RTEL1: variants seen among roughly 807,000 people sequenced by gnomAD.
RTEL1 encodes the protein regulator of telomere elongation helicase 1.
RTEL1 carries 86 observed loss-of-function variants against 162.2 expected under a neutral mutation model. That is an observed-to-expected ratio of 0.53 (90% CI 0.45 to 0.63). The LOEUF (loss-of-function observed/expected upper bound fraction) is 0.63. Ranked by LOEUF, RTEL1 falls within the 30% of genes least tolerant of loss-of-function variation. The pLI is 0.00. For synonymous variants in RTEL1, 958 were observed against 717.9 expected, an observed-to-expected ratio of 1.33 and a Z score of -5.35; for missense variants, 1,941 against 1,750.2, an observed-to-expected ratio of 1.11 and a Z score of -1.95.
At chr20:63,663,016 C>T in intron 6 of RTEL1, 127 bp downstream of exon 6, 6 of 892,118 alleles carry the variant, frequency 6.7e-6, no homozygotes, top group Non-Finnish European at 1.1e-5. Flanking sequence ...TGTACCTGGG[C>T]CCTGTCTTCT....
intron 10 of RTEL1, among the ~76,000 whole-genome samples, chr20:63,675,532 G>A (rs1334553965): frequency 3.3e-5 from 5 of 151,850 alleles, no homozygotes; most frequent in Non-Finnish European, 7.4e-5. Context: ...ATATATTTAA[G>A]TGACAGGGTC....
intron 10 of RTEL1, among the ~76,000 whole-genome samples, chr20:63,674,636 G>A (rs1490183625): frequency 6.6e-6 from 1 of 151,812 alleles, no homozygotes; most frequent in Non-Finnish European, 1.5e-5. Context: ...GGGAGGCAGA[G>A]CTTCCGGTGC....
Position 63,682,586 on chromosome 20 carries a change from C to G in RTEL1, c.1191+1867C>G, listed in dbSNP as rs140924821. ...CCGCTGGTGGATGACTCAGCTTCTG[C>G]CAGCCCTCGGGTGCCTGGAGGATGA... On this transcript the variant is annotated intron_variant, in intron 14 of 34. Coordinates refer to ENST00000360203, the MANE Select transcript of RTEL1 (RefSeq NM_001283009.2). 2.3e-5 allele frequency: 23 copies of G among 985,992 alleles called. No homozygotes were observed. The East Asian group carries it at 1.1e-3, about 49-fold the overall frequency. 61.1% of individuals were successfully genotyped at this position (985,992 alleles called of 1,614,324 possible). A position where few individuals can be genotyped will look rare whatever the true frequency, so the allele number is the denominator to read the frequency against.
intron 1 of RTEL1, 61 bp from the exon 2 acceptor site, chr20:63,659,171 TG>T: frequency 1.8e-6 from 1 of 545,264 alleles, no homozygotes; most frequent in East Asian, 3.1e-5. Flanking sequence ...TGGAAACGCC[TG>T]GGAAAGTAGC....
intron 13 of RTEL1, 111 bp from the exon 14 acceptor site, chr20:63,680,553 G>A: frequency 8.5e-7 from 1 of 1,171,992 alleles, no homozygotes; most frequent in Non-Finnish European, 1.2e-6. Flanking sequence ...CCATTGGGCA[G>A]GAGATGGAGC....
intron 26 of RTEL1, 106 bp downstream of exon 26, chr20:63,690,547 G>C (rs2090712199): frequency 7.4e-7 from 1 of 1,360,344 alleles, no homozygotes; most frequent in Non-Finnish European, 9.7e-7. Context: ...CTGGCTTTGT[G>C]CGCTTCCCCT....
In RTEL1 at chr20:63,681,702, C is replaced by G. The variant is rs578010329; in HGVS notation, c.1191+983C>G. Reference sequence around the variant, plus strand: ...AGCGGGGGCGAGACCTGGGCAGGGACCAGGTGGGGTGGGCACAGGGTGGTG... The same window carrying G: ...AGCGGGGGCGAGACCTGGGCAGGGAGCAGGTGGGGTGGGCACAGGGTGGTG... On this transcript the variant is annotated intron_variant, in intron 14 of 34. Coordinates refer to ENST00000360203, the MANE Select transcript of RTEL1 (RefSeq NM_001283009.2). 6 of 985,332 alleles carry G rather than the reference C, an allele frequency of 6.1e-6. No individual in the cohort carries two copies. The African/African-American group carries it at 7.0e-5, about 11-fold the overall frequency. The allele number at this position is 985,332 out of a possible 1,614,324, so 61.0% of individuals were successfully genotyped here. A position where few individuals can be genotyped will look rare whatever the true frequency, so the allele number is the denominator to read the frequency against.
intron 6 of RTEL1, among the ~76,000 whole-genome samples, chr20:63,664,892 G>A (rs1167600289): frequency 6.6e-6 from 1 of 152,204 alleles, no homozygotes; most frequent in Non-Finnish European, 1.5e-5. Context: ...GAGCCTCTGG[G>A]ACGGCCCCGC....
intron 10 of RTEL1, among the ~76,000 whole-genome samples, chr20:63,676,751 G>A (rs996921163): frequency 3.9e-5 from 6 of 152,160 alleles, no homozygotes; most frequent in African/African-American, 7.2e-5. Context: ...TGGCCAACAC[G>A]GTGAAACCCC....
chr20:63,691,381 C>A (rs2090738474), intron 27 of RTEL1, among the ~76,000 whole-genome samples: 2 of 152,328 alleles, frequency 1.3e-5, no homozygotes, highest in African/African-American at 4.8e-5. Context: ...TTTCTCCCTG[C>A]TTCCTGCTGG....
At position 63,695,494 on chromosome 20, in the gene RTEL1, G is replaced by C. The variant is rs1408602214; in HGVS notation, c.3666G>C (p.Gly1222=). 7 of 1,610,566 alleles carry C rather than the reference G, an allele frequency of 4.3e-6. No individual in the cohort carries two copies. The highest frequency in any genetic ancestry group is 2.5e-6 in the Non-Finnish European group (3 of 1,178,810). Reference sequence around the variant, plus strand: ...CATCTGAGTGGGGTGAGCCTCATGGGAGAGACATCGCTGGGCAGCAGGCCA... The same window carrying C: ...CATCTGAGTGGGGTGAGCCTCATGGCAGAGACATCGCTGGGCAGCAGGCCA... ...PAASEWGEPH[G]RDIAGQQATG... is the part of the protein sequence containing the mutation. The change falls in exon 34 of 35, where the codon GGG becomes GGC. Residue 1222 remains glycine (G), a synonymous_variant. Transcript: ENST00000360203.
chr20:63,688,623 G>A lies in RTEL1; in HGVS notation c.1800+18G>A, dbSNP rs746586416. ...TCTCCGAGGTCGGCACTTGGCCGGG[G>A]CTCTGGGCCTGCTGCCCCCTCGTGC... On this transcript the variant is annotated intron_variant, in intron 21 of 34. Transcript: ENST00000360203. 1.9e-6 allele frequency: 3 copies of A among 1,594,308 alleles called. No individual in the cohort carries two copies. The highest frequency in any genetic ancestry group is 3.5e-5 in the Admixed American group (2 of 57,246).
rs777334485 is a variant in RTEL1, at chr20:63,689,740, C to T, written c.2026-10C>T. 25 of 1,609,898 alleles carry T rather than the reference C, an allele frequency of 1.6e-5. No individual in the cohort carries two copies. Among genetic ancestry groups the T allele is most frequent in the Non-Finnish European group, 1.9e-5 (22 of 1,178,148 alleles). ...GGGAGCCCCCGTGACCGAGCCGCCT[C>T]GCCCCACAGTTCCTCTCTGGGCAGG... On this transcript the variant is annotated splice_polypyrimidine_tract_variant and intron_variant, in intron 23 of 34. Transcript: ENST00000360203.
chr20:63,695,903 T>G lies in RTEL1; in HGVS notation c.*45T>G, dbSNP rs1001674915. The stretch of plus-strand genomic sequence containing the variant: ...GCACACCCAACGTGGCTTGATCACC[T>G]GCCTGTCCAGCTCTGGTGGGCCAAG... On this transcript the variant is annotated 3_prime_UTR_variant, in exon 35 of 35. Transcript: ENST00000360203. 7.8e-6 allele frequency: 12 copies of G among 1,530,208 alleles called. No individual in the cohort carries two copies. The highest frequency in any genetic ancestry group is 5.9e-5 in the Admixed American group (3 of 50,876). The allele number at this position is 1,530,208 out of a possible 1,614,324, so 94.8% of individuals were successfully genotyped here. A position where few individuals can be genotyped will look rare whatever the true frequency, so the allele number is the denominator to read the frequency against.
chr20:63,682,415 A>T (rs2090496075), intron 14 of RTEL1: 1 of 985,238 alleles, frequency 1.0e-6, no homozygotes, highest in South Asian at 4.7e-5. Flanking sequence ...CCAGCCTCCC[A>T]CTTAAGGAGA....
intron 16 of RTEL1, chr20:63,686,194 T>C (rs2090588809): frequency 4.5e-6 from 2 of 440,690 alleles, no homozygotes. Flanking sequence ...GCCTCCACAG[T>C]GAGGCACGGC....
At position 63,695,885 on chromosome 20, in the gene RTEL1, C is replaced by G. The variant is rs2090968384; in HGVS notation, c.*27C>G. The G allele has an allele frequency of 6.4e-7, 1 of 1,555,168 alleles. No homozygotes were observed. The highest frequency in any genetic ancestry group is 8.7e-7 in the Non-Finnish European group (1 of 1,150,086). ...TGCCCACGGAGGCCCCCAGCACACC[C>G]AACGTGGCTTGATCACCTGCCTGTC... On this transcript the variant is annotated 3_prime_UTR_variant, in exon 35 of 35. Transcript: ENST00000360203.
intron 9 of RTEL1, among the ~76,000 whole-genome samples, chr20:63,673,169 G>A (rs1027070211): frequency 1.3e-5 from 2 of 152,026 alleles, no homozygotes; most frequent in Admixed American, 1.3e-4. Context: ...TGAGGTGGGC[G>A]GATCACGAGG....
intron 12 of RTEL1, among the ~76,000 whole-genome samples, chr20:63,679,468 CT>C (rs112914646): frequency 0.12 from 17,693 of 152,022 alleles, 1,381 homozygotes; most frequent in African/African-American, 0.22. Flanking sequence ...TGACGACCCC[CT>C]AGTGACCCCA....
Sources: gnomAD v4.1 joint callset for allele counts (sites outside exome capture counted in the v4.1 genomes callset) on GRCh38, gnomAD v4.1.1 for gene constraint, MANE v1.5 for transcripts, NCBI Gene and HGNC (gene_info 2026-07-23, HGNC 2026-07-21) for gene names.